Variants in LTBP1 observed in about 807,000 individuals in gnomAD.
LTBP1 encodes the protein latent-transforming growth factor beta-binding protein 1.
LTBP1 carries 129 observed loss-of-function variants against 207.6 expected under a neutral mutation model. That is an observed-to-expected ratio of 0.62 (90% confidence interval 0.54 to 0.72). The LOEUF is 0.72. LTBP1 is among the 30% of genes least tolerant of loss of function. The probability of loss-of-function intolerance (pLI) is 0.00; values close to 1 mark genes in which losing one functional copy is unlikely to be tolerated. For synonymous variants in LTBP1, 963 were observed against 833.7 expected (o/e 1.16, Z -2.67); for missense variants, 2,281 against 2,217.2 (o/e 1.03, Z -0.58).
chr2:33,101,924 C>T (rs2079763145), intron 3 of LTBP1, among the ~76,000 whole-genome samples: 1 of 152,138 alleles, frequency 6.6e-6, no homozygotes, highest in Non-Finnish European at 1.5e-5. Flanking sequence ...TTTTTGAACA[C>T]AGTTACCTCA....
In LTBP1 at chr2:33,082,431, A is replaced by AATTTTTTTTT. The variant is rs2078468929; in HGVS notation, c.864-28151_864-28150insATTTTTTTTT. Among the ~76,000 whole-genome samples, 8 of 116,044 alleles carry AATTTTTTTTT rather than the reference A, an allele frequency of 6.9e-5. 4 individuals carry two copies. The highest frequency in any genetic ancestry group is 3.4e-5 in the Non-Finnish European group (2 of 58,288). The allele number at this position is 116,044 out of a possible 152,430, so 76.1% of individuals were successfully genotyped here. A position where few individuals can be genotyped will look rare whatever the true frequency, so the allele number is the denominator to read the frequency against. ...GTTAACCGTGGCTAAAGTATGACTC[A>AATTTTTTTTT]CTTTTTTTTTTTTTTTTTTTTTTTT... On this transcript the variant is annotated intron_variant, in intron 3 of 33. Transcript: ENST00000404816.
intron 12 of LTBP1, among the ~76,000 whole-genome samples, chr2:33,258,297 A>G (rs976227107): frequency 2.0e-5 from 3 of 152,222 alleles, no homozygotes; most frequent in East Asian, 1.9e-4. Flanking sequence ...TGTATGGAAT[A>G]GACGTATTTT....
intron 31 of LTBP1, among the ~76,000 whole-genome samples, chr2:33,374,504 C>T (rs186584937): frequency 6.6e-6 from 1 of 152,234 alleles, no homozygotes; most frequent in African/African-American, 2.4e-5. Flanking sequence ...TAGAAAGATA[C>T]AAAAGGAAAT....
chr2:33,185,504 A>G (rs957935894), intron 5 of LTBP1, among the ~76,000 whole-genome samples: 2 of 152,232 alleles, frequency 1.3e-5, no homozygotes, highest in Non-Finnish European at 2.9e-5. Flanking sequence ...ATAGGATGAA[A>G]TCATAGAGAA....
intron 3 of LTBP1, among the ~76,000 whole-genome samples, chr2:33,071,440 G>C (rs778334542): frequency 6.4e-4 from 98 of 152,212 alleles, no homozygotes; most frequent in Non-Finnish European, 1.3e-3. Flanking sequence ...CTAGGGGAGA[G>C]GATTCTGCAA....
At chr2:33,210,340 T>G in intron 7 of LTBP1, among the ~76,000 whole-genome samples, 1 of 152,370 alleles carries the variant, frequency 6.6e-6, no homozygotes, top group Middle Eastern at 3.4e-3. Context: ...TGATTATGTT[T>G]ATCTCCAGTA....
At position 33,134,364 on chromosome 2, in the gene LTBP1, A is replaced by G. The variant is rs1185094875; in HGVS notation, c.1034-429A>G. 2 of 469,806 alleles carry G rather than the reference A, an allele frequency of 4.3e-6. No individual in the cohort carries two copies. Among genetic ancestry groups the G allele is most frequent in the Non-Finnish European group, 8.7e-6 (2 of 229,458 alleles). The allele number at this position is 469,806 out of a possible 1,614,324, so 29.1% of individuals were successfully genotyped here. ...AGTGGAGAAACAGGGAAAGTATGCAAGTTGAGGACACAAGAGTTTATTCAC... is the reference window on the plus strand; with the variant it reads ...AGTGGAGAAACAGGGAAAGTATGCAGGTTGAGGACACAAGAGTTTATTCAC... On this transcript the variant is annotated intron_variant, in intron 4 of 33. Coordinates refer to ENST00000404816, the MANE Select transcript of LTBP1 (RefSeq NM_206943.4). This position sits in a 1 kb window ranked among gnomAD's most constrained non-coding sequence, Gnocchi z 4.4.
chr2:33,291,060 C>G (rs76529601), intron 19 of LTBP1, among the ~76,000 whole-genome samples: 5,322 of 152,276 alleles, frequency 0.035, 123 homozygotes, highest in Middle Eastern at 0.11. Flanking sequence ...AGGCAATGTA[C>G]TTTCAGTTCA....
At chr2:33,218,435 C>T (rs903285892) in intron 8 of LTBP1, among the ~76,000 whole-genome samples, 10 of 152,104 alleles carry the variant, frequency 6.6e-5, no homozygotes, top group African/African-American at 9.7e-5. Flanking sequence ...TCACTATTGT[C>T]GCCCAGGCTG....
At position 33,126,554 on chromosome 2, in the gene LTBP1, C is replaced by G. The variant is rs115582616; in HGVS notation, c.1034-8239C>G. Among the ~76,000 whole-genome samples, 436 of 152,324 alleles carry G rather than the reference C, an allele frequency of 2.9e-3. 2 individuals carry two copies. Among genetic ancestry groups the G allele is most frequent in the African/African-American group, 1.0e-2 (414 of 41,566 alleles). ...AAATGAGGAAGCTGAAAATGGGCAACCTAAAAAGAATTAGCTGACAGCTGG... is the reference window on the plus strand; with the variant it reads ...AAATGAGGAAGCTGAAAATGGGCAAGCTAAAAAGAATTAGCTGACAGCTGG... On this transcript the variant is annotated intron_variant, in intron 4 of 33. Coordinates refer to ENST00000404816, the MANE Select transcript of LTBP1 (RefSeq NM_206943.4).
At chr2:33,151,823 TTGTG>T (rs10526529) in intron 5 of LTBP1, among the ~76,000 whole-genome samples, 7,063 of 129,120 alleles carry the variant, frequency 0.055, 195 homozygotes, top group African/African-American at 0.074. Context: ...GTATTCCATT[TTGTG>T]TGTGTGTGTG....
chr2:33,336,488 A>G (rs1233054780), intron 24 of LTBP1, among the ~76,000 whole-genome samples: 1 of 149,266 alleles, frequency 6.7e-6, no homozygotes, highest in African/African-American at 2.6e-5. Flanking sequence ...AAGAGATTGA[A>G]CTGGATAATC....
Position 33,188,695 on chromosome 2 carries a change from A to G in LTBP1, c.1545A>G (p.Gln515=). The change falls in exon 7 of 34, where the codon CAA becomes CAG. Residue 515 remains glutamine (Q), a synonymous_variant. Transcript: ENST00000404816. Reference sequence around the variant, plus strand: ...CAGGCCAGAAGACAAAAGAAGCTCAACCAGGCCAATCCCAAGTCTCGTACC... The same window carrying G: ...CAGGCCAGAAGACAAAAGAAGCTCAGCCAGGCCAATCCCAAGTCTCGTACC... ...GPTGQKTKEA[Q]PGQSQVSYQG... The G allele has an allele frequency of 1.2e-6, 2 of 1,614,176 alleles. No individual in the cohort carries two copies. The highest frequency in any genetic ancestry group is 1.3e-5 in the African/African-American group (1 of 75,048).
chr2:33,020,759 C>A lies in LTBP1; in HGVS notation c.566-150C>A, dbSNP rs75121489. ...AATATTAGCTCTCTTCCCCCTCCTC[C>A]GCCCAACTGCCCCACCTTCCTCCTT... On this transcript the variant is annotated intron_variant, in intron 2 of 33. Coordinates refer to ENST00000404816, the MANE Select transcript of LTBP1 (RefSeq NM_206943.4). 1,473 of 688,440 alleles carry A rather than the reference C, an allele frequency of 2.1e-3. 17 individuals are homozygous for A. In the African/African-American group the frequency reaches 0.024, roughly 11 times the overall value. 42.6% of individuals were successfully genotyped at this position (688,440 alleles called of 1,614,324 possible). A position where few individuals can be genotyped will look rare whatever the true frequency, so the allele number is the denominator to read the frequency against.
chr2:33,374,288 C>CT, intron 31 of LTBP1, among the ~76,000 whole-genome samples: 1 of 152,304 alleles, frequency 6.6e-6, no homozygotes, highest in South Asian at 2.1e-4. Context: ...CCAGGGATCT[C>CT]TTTCTGCTTT....
chr2:33,032,131 A>C (rs1267400338), intron 3 of LTBP1, among the ~76,000 whole-genome samples: 1 of 152,128 alleles, frequency 6.6e-6, no homozygotes, highest in Non-Finnish European at 1.5e-5. Flanking sequence ...CTCTCTCTCT[A>C]CCTATGTTAA....
At chr2:33,331,064 A>G (rs2094488362) in intron 24 of LTBP1, among the ~76,000 whole-genome samples, 1 of 151,818 alleles carries the variant, frequency 6.6e-6, no homozygotes, top group South Asian at 2.1e-4. Flanking sequence ...AATTATTTAT[A>G]ATATCCTCTT....
chr2:33,328,196 T>C (rs1429401026), intron 24 of LTBP1, among the ~76,000 whole-genome samples: 1 of 125,198 alleles, frequency 8.0e-6, no homozygotes, highest in Admixed American at 7.9e-5. Context: ...TGTAGAAAAG[T>C]GCCTAAATCA....
chr2:33,366,134 C>G (rs2094984208), intron 31 of LTBP1, among the ~76,000 whole-genome samples: 1 of 152,198 alleles, frequency 6.6e-6, no homozygotes, highest in African/African-American at 2.4e-5. Flanking sequence ...AAGGTGCTGG[C>G]TTTGTGCTTC....
Sources: allele counts gnomAD v4.1 joint callset (sites outside exome capture counted in the v4.1 genomes callset), GRCh38; gene constraint gnomAD v4.1.1; non-coding constraint Gnocchi (gnomAD v3.1); transcripts MANE v1.5; gene names NCBI Gene and HGNC (gene_info 2026-07-23, HGNC 2026-07-21).